Variants in MBIP observed in about 807,000 individuals in gnomAD.
MBIP encodes the protein MAP3K12-binding inhibitory protein 1.
In MBIP, 32 loss-of-function variants were observed where a neutral mutation model predicts 45.7. The observed-to-expected ratio is 0.70, with a 90% CI of 0.53 to 0.94. The LOEUF is 0.94. Among genes scored for constraint, MBIP ranks in the 40% least tolerant of loss-of-function variants. The pLI is 0.00. For missense variants in MBIP, 381 were observed against 405.5 expected (o/e 0.94, Z 0.52); for synonymous variants, 145 against 141.0 (o/e 1.03, Z -0.20).
chr14:36,305,918 T>G (rs1879848570), intron 7 of MBIP, among the ~76,000 whole-genome samples: 1 of 152,172 alleles, frequency 6.6e-6, no homozygotes, highest in South Asian at 2.1e-4. Flanking sequence ...CCATTCTCAC[T>G]CATGTCCCTA....
chr14:36,298,938 T>G lies in MBIP; in HGVS notation c.*145A>C. ...ACTTACTGGAATATTTGAAGATTAC[T>G]TGCTGCAAGCTGGACTCATGTGAAA... On this transcript the variant is annotated 3_prime_UTR_variant, in exon 9 of 9. Coordinates refer to ENST00000416007, the MANE Select transcript of MBIP (RefSeq NM_016586.3). The G allele has an allele frequency of 2.0e-6, 1 of 501,082 alleles. No individual in the cohort carries two copies. The highest frequency in any genetic ancestry group is 3.9e-5 in the South Asian group (1 of 25,392). The allele number at this position is 501,082 out of a possible 1,614,324, so 31.0% of individuals were successfully genotyped here.
chr14:36,307,959 C>T lies in MBIP; in HGVS notation c.888+133G>A, dbSNP rs1006141219. The stretch of plus-strand genomic sequence containing the variant: ...TAAGGAATTAGATATATCCCCTATA[C>T]AGGACTGTGTTCATTCATCTTTGAA... On this transcript the variant is annotated intron_variant, in intron 7 of 8. Transcript: ENST00000416007. The T allele has an allele frequency of 2.6e-4, 142 of 544,680 alleles. 1 individual carries two copies. The highest frequency in any genetic ancestry group is 2.6e-3 in the African/African-American group (132 of 51,680). 33.7% of individuals were successfully genotyped at this position (544,680 alleles called of 1,614,324 possible).
At chr14:36,317,004 AAAAC>A (rs1303729082) in intron 1 of MBIP, among the ~76,000 whole-genome samples, 192 bp from the exon 2 acceptor site, 2 of 152,212 alleles carry the variant, frequency 1.3e-5, no homozygotes, top group African/African-American at 4.8e-5. Context: ...TTTTCATAAA[AAAAC>A]AAAAACAAAA....
At chr14:36,299,582 T>A (rs1879414013) in intron 8 of MBIP, among the ~76,000 whole-genome samples, 2 of 151,952 alleles carry the variant, frequency 1.3e-5, no homozygotes, top group Non-Finnish European at 2.9e-5. Context: ...AAATTATCTG[T>A]ACACCAAACC....
chr14:36,316,749 C>A lies in MBIP; in HGVS notation c.193G>T (p.Ala65Ser), dbSNP rs1405500440. ...CTAAAGAGCAATGCAGGCTGGAATG[C>A]CGAGAGGCTCTGGAGCTTGTTCCAA... ...IDWNKLQSLS[A>S]FQPALLFSAL... is the part of the protein sequence containing the mutation. The change falls in exon 2 of 9, where the codon GCA becomes TCA. Residue 65 changes from alanine to serine, a missense_variant. By Grantham distance (99) the Ala-to-Ser change is moderately conservative. Coordinates refer to ENST00000416007, the MANE Select transcript of MBIP (RefSeq NM_016586.3). The A allele has an allele frequency of 2.5e-6, 4 of 1,612,790 alleles. No individual in the cohort carries two copies. Among genetic ancestry groups the A allele is most frequent in the Non-Finnish European group, 3.4e-6 (4 of 1,179,248 alleles).
chr14:36,319,470 C>G (rs190407909), intron 1 of MBIP: 42 of 308,702 alleles, frequency 1.4e-4, no homozygotes, highest in Middle Eastern at 8.9e-4. Flanking sequence ...TAAGACACAA[C>G]ATACTACGAT....
chr14:36,298,792 CAAAAGAA>C lies in MBIP; in HGVS notation c.*284_*290del. 1 of 237,144 alleles carries C rather than the reference CAAAAGAA, an allele frequency of 4.2e-6. No homozygotes were observed. Among genetic ancestry groups the C allele is most frequent in the Non-Finnish European group, 8.2e-6 (1 of 122,246 alleles). 14.7% of individuals were successfully genotyped at this position (237,144 alleles called of 1,614,324 possible). A position where few individuals can be genotyped will look rare whatever the true frequency, so the allele number is the denominator to read the frequency against. ...AATAAATCTTCCTTCCTGTGGTCCA[CAAAAGAA>C]AAAAGATGTACCAGCACTTGTAAAT... On this transcript the variant is annotated 3_prime_UTR_variant, in exon 9 of 9. Coordinates refer to ENST00000416007, the MANE Select transcript of MBIP (RefSeq NM_016586.3).
Position 36,312,000 on chromosome 14 carries a change from G to C in MBIP, c.596C>G (p.Ala199Gly). Residue 199 changes from alanine to glycine, a missense_variant, in exon 5 of 9, where the codon GCG becomes GGG. Ala to Gly is a moderately conservative substitution (Grantham distance 60, BLOSUM62 0). Transcript: ENST00000416007. ...NQENSCARTD[A>G]IFTPYPGFKS... is the part of the protein sequence containing the mutation. The stretch of plus-strand genomic sequence containing the variant: ...AAATCCGGGGTAAGGGGTAAAAATC[G>C]CATCAGTTCTTGCACAACTATTTTC... 1 of 1,593,540 alleles carries C rather than the reference G, an allele frequency of 6.3e-7. No homozygotes were observed. Among genetic ancestry groups the C allele is most frequent in the Non-Finnish European group, 8.5e-7 (1 of 1,170,830 alleles).
chr14:36,319,654 G>T, intron 1 of MBIP: 1 of 395,350 alleles, frequency 2.5e-6, no homozygotes, highest in Non-Finnish European at 5.0e-6. Context: ...AACTTTTACG[G>T]CTAGAAAATG....
At chr14:36,317,562 T>C (rs1880647679) in intron 1 of MBIP, among the ~76,000 whole-genome samples, 1 of 152,100 alleles carries the variant, frequency 6.6e-6, no homozygotes, top group Admixed American at 6.6e-5. Context: ...GAAATTTCTA[T>C]CAGTTGGTGA....
intron 2 of MBIP, among the ~76,000 whole-genome samples, chr14:36,315,542 C>T (rs1262964088): frequency 4.0e-5 from 6 of 150,694 alleles, no homozygotes; most frequent in Non-Finnish European, 5.9e-5. Context: ...AAAAAGAAAA[C>T]GAACAAGAAA....
intron 7 of MBIP, among the ~76,000 whole-genome samples, chr14:36,302,491 TAAAAAAA>T (rs377221159): frequency 9.9e-6 from 1 of 100,544 alleles, no homozygotes; most frequent in African/African-American, 3.4e-5. Context: ...GACACCATCT[TAAAAAAA>T]AAAAAAAAAA....
rs1168855586 is a variant in MBIP, at chr14:36,308,165, T to C, written c.815A>G (p.Tyr272Cys). 2 of 1,601,166 alleles carry C rather than the reference T, an allele frequency of 1.2e-6. No individual in the cohort carries two copies. Among genetic ancestry groups the C allele is most frequent in the African/African-American group, 1.3e-5 (1 of 74,738 alleles). Residue 272 changes from tyrosine (Y) to cysteine (C), a missense_variant, in exon 7 of 9, where the codon TAT becomes TGT. Coordinates refer to ENST00000416007, the MANE Select transcript of MBIP (RefSeq NM_016586.3). ...QTGGPVPRDI[Y>C]QRIKKLEDKI... ...ATCCTCAAGTTTTTTAATTCTCTGA[T>C]AAATGTCTCTTGGCACTGGACCACC...
intron 1 of MBIP, chr14:36,319,567 A>G (rs767770934): frequency 1.1e-5 from 5 of 443,276 alleles, no homozygotes; most frequent in East Asian, 1.4e-4. Context: ...CAAATGTTCT[A>G]TTTTCATAGG....
chr14:36,302,984 G>A lies in MBIP; in HGVS notation c.889-2161C>T, dbSNP rs1288506491. On this transcript the variant is annotated intron_variant, in intron 7 of 8. Coordinates refer to ENST00000416007, the MANE Select transcript of MBIP (RefSeq NM_016586.3). ...GCAGTGGCAGTGAGCAAAGCTCCCA[G>A]TCAGCCATGGGGTATGAGGGTAAAC... Among the ~76,000 whole-genome samples, 3 of 152,156 alleles carry A rather than the reference G, an allele frequency of 2.0e-5. No individual in the cohort carries two copies. The East Asian group carries it at 5.8e-4, about 29-fold the overall frequency.
intron 7 of MBIP, among the ~76,000 whole-genome samples, chr14:36,306,330 T>A (rs1879876983): frequency 6.6e-6 from 1 of 152,094 alleles, no homozygotes; most frequent in Admixed American, 6.5e-5. Flanking sequence ...TCTTGGCTCA[T>A]CGCAACCTAA....
chr14:36,316,568 G>A, intron 2 of MBIP, 125 bp downstream of exon 2: 1 of 871,054 alleles, frequency 1.1e-6, no homozygotes, highest in Non-Finnish European at 1.7e-6. Flanking sequence ...AAATCCGGAT[G>A]TAAATAACGT....
chr14:36,320,437 C>T, intron 1 of MBIP, 23 bp downstream of exon 1: 1 of 1,613,892 alleles, frequency 6.2e-7, no homozygotes, highest in Non-Finnish European at 8.5e-7. Flanking sequence ...TCCATATTCC[C>T]AGTCCCTCAG....
intron 6 of MBIP, among the ~76,000 whole-genome samples, chr14:36,311,070 T>G (rs1051364104): frequency 6.6e-6 from 1 of 152,068 alleles, no homozygotes; most frequent in African/African-American, 2.4e-5. Context: ...AAGACAGAAG[T>G]GGGCAGATTT....
Sources: gnomAD v4.1 joint callset for allele counts (sites outside exome capture counted in the v4.1 genomes callset) on GRCh38, gnomAD v4.1.1 for gene constraint, MANE v1.5 for transcripts, NCBI Gene and HGNC (gene_info 2026-07-23, HGNC 2026-07-21) for gene names.